The following ZNF365 variants were observed in gnomAD, a reference collection of about 807,000 sequenced individuals.
The protein encoded by ZNF365 is zinc finger protein 365.
Under a neutral mutation model 35.0 loss-of-function variants are expected in ZNF365, and 22 were observed. That is an observed-to-expected ratio of 0.63 (90% CI 0.45 to 0.90). The LOEUF is 0.90. Ranked by LOEUF, ZNF365 falls within the 40% of genes least tolerant of loss-of-function variation. The probability of loss-of-function intolerance (pLI) is 0.00; values close to 1 mark genes in which losing one functional copy is unlikely to be tolerated. For synonymous variants in ZNF365, 188 were observed against 196.2 expected (o/e 0.96, Z 0.35); for missense variants, 448 against 500.3 (o/e 0.90, Z 1.00).
downstream of ZNF365, among the ~76,000 whole-genome samples, chr10:62,404,947 T>C (rs1248356240): frequency 1.3e-5 from 2 of 152,198 alleles, no homozygotes; most frequent in South Asian, 2.1e-4. Context: ...CAGAATCCTT[T>C]TGAAGCAAGT....
At chr10:62,452,252 G>A (rs936871914) in intron 3 of ZNF365, among the ~76,000 whole-genome samples, 1 of 152,132 alleles carries the variant, frequency 6.6e-6, no homozygotes, top group African/African-American at 2.4e-5. Context: ...TCTAGGATGT[G>A]GATCTAAATT....
chr10:62,453,646 T>C (rs1258134991), intron 3 of ZNF365, among the ~76,000 whole-genome samples: 2 of 152,226 alleles, frequency 1.3e-5, no homozygotes, highest in Non-Finnish European at 2.9e-5. Context: ...TTTGGGTAGA[T>C]ACCCAGCAGT....
chr10:62,449,871 T>G (rs894042879), intron 3 of ZNF365, among the ~76,000 whole-genome samples: 1 of 152,032 alleles, frequency 6.6e-6, no homozygotes, highest in Non-Finnish European at 1.5e-5. Flanking sequence ...ACAATAAATC[T>G]TGACTGACCA....
At chr10:62,464,711 A>G (rs1049959781) in intron 4 of ZNF365, among the ~76,000 whole-genome samples, 5 of 152,204 alleles carry the variant, frequency 3.3e-5, no homozygotes, top group African/African-American at 1.2e-4. Context: ...CCTGGCAAAG[A>G]ATAATAATTT....
At chr10:62,421,649 A>G (rs889331548) in intron 3 of ZNF365, among the ~76,000 whole-genome samples, 5 of 152,214 alleles carry the variant, frequency 3.3e-5, no homozygotes, top group Non-Finnish European at 7.3e-5. Context: ...AATGATAGAG[A>G]TATGCAAGAA....
chr10:62,381,600 T>A (rs565076311), intron 2 of ZNF365, among the ~76,000 whole-genome samples: 2 of 152,308 alleles, frequency 1.3e-5, no homozygotes, highest in Admixed American at 1.3e-4. Flanking sequence ...CATCATTTAT[T>A]TTTCTGATGT....
chr10:62,398,595 G>C (rs572162677), intron 3 of ZNF365, 145 bp from the exon 4 acceptor site: 1 of 679,384 alleles, frequency 1.5e-6, no homozygotes, highest in Non-Finnish European at 2.5e-6. Flanking sequence ...CTGATGCAAT[G>C]GATGGTGCTG....
rs573283371 is a variant in ZNF365, at chr10:62,386,669, A to G, written c.744-1727A>G. On this transcript the variant is annotated intron_variant, in intron 2 of 4. Transcript: ENST00000395254. Reference sequence around the variant, plus strand: ...AGAGAAAAATCATGACTAATTGTAAAAGTGGCACACTGACTATTAGTACAG... The same window carrying G: ...AGAGAAAAATCATGACTAATTGTAAGAGTGGCACACTGACTATTAGTACAG... Among the ~76,000 whole-genome samples the G allele has an allele frequency of 7.2e-5, 11 of 152,290 alleles. No individual in the cohort carries two copies. The East Asian group carries it at 1.9e-3, about 27-fold the overall frequency.
exon 5 of ZNF365, chr10:62,480,257 T>C: frequency 9.9e-7 from 1 of 1,010,056 alleles, no homozygotes. Context: ...AGGTACTCAG[T>C]TGTTAAATAA....
chr10:62,449,814 A>AT (rs200049664), intron 3 of ZNF365, among the ~76,000 whole-genome samples: 26,322 of 141,634 alleles, frequency 0.19, 3,376 homozygotes, highest in African/African-American at 0.38. Context: ...AGCCTGGTTC[A>AT]TTTTTTTTTT....
At chr10:62,460,847 C>A (rs1198889280) in intron 4 of ZNF365, among the ~76,000 whole-genome samples, 1 of 152,136 alleles carries the variant, frequency 6.6e-6, no homozygotes, top group African/African-American at 2.4e-5. Flanking sequence ...CAGGGGTCCA[C>A]AAACTCAGAT....
chr10:62,389,858 C>A (rs924880940), intron 3 of ZNF365, among the ~76,000 whole-genome samples: 1 of 152,124 alleles, frequency 6.6e-6, no homozygotes, highest in African/African-American at 2.4e-5. Flanking sequence ...GAAGTCTCAT[C>A]CATGTAACAT....
intron 3 of ZNF365, among the ~76,000 whole-genome samples, chr10:62,415,993 T>C (rs1840068173): frequency 1.3e-5 from 2 of 152,202 alleles, no homozygotes; most frequent in Admixed American, 6.6e-5. Flanking sequence ...TTTATAGTTT[T>C]CTTGAAGGAG....
At chr10:62,431,785 G>A (rs1840338826) in intron 3 of ZNF365, among the ~76,000 whole-genome samples, 1 of 152,098 alleles carries the variant, frequency 6.6e-6, no homozygotes, top group Admixed American at 6.6e-5. Flanking sequence ...ACAGCCATCT[G>A]ATAAGTTCTC....
At chr10:62,479,142 A>C (rs768497838) in intron 4 of ZNF365, among the ~76,000 whole-genome samples, 1 of 152,218 alleles carries the variant, frequency 6.6e-6, no homozygotes, top group Non-Finnish European at 1.5e-5. Flanking sequence ...TGTCTTACTA[A>C]GTTGAAAAGT....
At chr10:62,431,761 A>C in intron 3 of ZNF365, among the ~76,000 whole-genome samples, 1 of 152,110 alleles carries the variant, frequency 6.6e-6, no homozygotes, top group Middle Eastern at 3.4e-3. Flanking sequence ...ATTTTAAGAA[A>C]GATTTTCCTA....
chr10:62,454,915 G>A (rs1379839478), intron 3 of ZNF365, among the ~76,000 whole-genome samples: 1 of 152,190 alleles, frequency 6.6e-6, no homozygotes, highest in Non-Finnish European at 1.5e-5. Flanking sequence ...CTCTGCTTTT[G>A]GAGATTAGTG....
At chr10:62,457,767 G>A (rs1840783410) in intron 3 of ZNF365, among the ~76,000 whole-genome samples, 1 of 152,174 alleles carries the variant, frequency 6.6e-6, no homozygotes, top group Non-Finnish European at 1.5e-5. Flanking sequence ...TAGGTGTCAG[G>A]TGCAGCTCCC....
intron 3 of ZNF365, among the ~76,000 whole-genome samples, chr10:62,443,283 T>C (rs946443910): frequency 6.6e-6 from 1 of 152,226 alleles, no homozygotes; most frequent in African/African-American, 2.4e-5. Context: ...TGAAAGCATA[T>C]AATTAGTTAT....
Sources: allele counts gnomAD v4.1 joint callset (sites outside exome capture counted in the v4.1 genomes callset), GRCh38; gene constraint gnomAD v4.1.1; transcripts MANE v1.5; gene names NCBI Gene and HGNC (gene_info 2026-07-23, HGNC 2026-07-21).